CATSPERB: variants seen among roughly 807,000 people sequenced by gnomAD.
CATSPERB encodes catsper channel auxiliary subunit beta, also known as cation channel sperm-associated auxiliary subunit beta.
A neutral mutation model predicts 128.3 loss-of-function variants in CATSPERB; 93 were observed. The ratio of observed to expected loss-of-function variants is 0.72; its 90% CI spans 0.61 to 0.86. CATSPERB has a LOEUF of 0.86. CATSPERB is among the 40% of genes least tolerant of loss of function. CATSPERB has a pLI of 0.00. For synonymous variants in CATSPERB, 381 were observed against 448.8 expected (o/e 0.85, Z 1.91); for missense variants, 1,153 against 1,329.5 (o/e 0.87, Z 2.06).
At chr14:91,693,602 A>T (rs1895509656) in intron 7 of CATSPERB, 123 bp from the exon 8 acceptor site, 2 of 660,876 alleles carry the variant, frequency 3.0e-6, no homozygotes, top group East Asian at 5.3e-5. Context: ...TTCCCAAAGC[A>T]TTGGAAAGAT....
chr14:91,625,865 C>T (rs1238159452), intron 17 of CATSPERB, among the ~76,000 whole-genome samples: 1 of 152,212 alleles, frequency 6.6e-6, no homozygotes, highest in Non-Finnish European at 1.5e-5. Context: ...GTGGCTCACA[C>T]CGGTAATCCC....
In CATSPERB at chr14:91,701,280, A is replaced by C. The variant is rs187392741; in HGVS notation, c.616+3272T>G. On this transcript the variant is annotated intron_variant, in intron 7 of 26. Coordinates refer to ENST00000256343, the MANE Select transcript of CATSPERB (RefSeq NM_024764.4). ...ATGTTTCAAACAAGAGGACAGGAGTAGTGATTAAGCAGTAATCCTAAGGAG... is the reference window on the plus strand; with the variant it reads ...ATGTTTCAAACAAGAGGACAGGAGTCGTGATTAAGCAGTAATCCTAAGGAG... Among the ~76,000 whole-genome samples the C allele has an allele frequency of 3.2e-4, 49 of 152,334 alleles. No individual in the cohort carries two copies. In the South Asian group the frequency reaches 3.9e-3, roughly 12 times the overall value.
intron 17 of CATSPERB, among the ~76,000 whole-genome samples, 188 bp from the exon 18 acceptor site, chr14:91,625,195 T>C (rs1368614549): frequency 6.6e-6 from 1 of 152,230 alleles, no homozygotes; most frequent in Admixed American, 6.5e-5. Context: ...TTTTAACCTC[T>C]AAAATTAGCG....
intron 15 of CATSPERB, among the ~76,000 whole-genome samples, chr14:91,640,384 T>C (rs1595159561): frequency 1.4e-5 from 1 of 70,880 alleles, no homozygotes; most frequent in African/African-American, 6.8e-5. Context: ...CCCAATGCTA[T>C]CCCTCCCCCC....
intron 15 of CATSPERB, among the ~76,000 whole-genome samples, chr14:91,644,366 G>A (rs1894553333): frequency 6.9e-6 from 1 of 145,838 alleles, no homozygotes; most frequent in African/African-American, 2.6e-5. Context: ...TCCTTTCCAT[G>A]TTTAGCGCTT....
intron 2 of CATSPERB, among the ~76,000 whole-genome samples, chr14:91,728,034 C>A (rs1595195875): frequency 6.6e-6 from 1 of 152,174 alleles, no homozygotes; most frequent in South Asian, 2.1e-4. Flanking sequence ...TTGTCTATCA[C>A]CTCTGAAATG....
chr14:91,604,410 C>T, intron 22 of CATSPERB: 1 of 1,142,988 alleles, frequency 8.7e-7, no homozygotes, highest in South Asian at 1.2e-5. Context: ...CTTCACACAT[C>T]TTCAGGTTGC....
intron 22 of CATSPERB, chr14:91,605,407 T>C: frequency 1.9e-6 from 1 of 534,734 alleles, no homozygotes; most frequent in South Asian, 2.8e-5. Context: ...CTGGAAGATC[T>C]TAGAGAAATA....
chr14:91,684,489 G>C (rs960463761), intron 10 of CATSPERB, among the ~76,000 whole-genome samples: 1 of 152,072 alleles, frequency 6.6e-6, no homozygotes. Context: ...TTTCTGTTGG[G>C]ATGTAAGAAA....
chr14:91,695,216 G>A lies in CATSPERB; in HGVS notation c.617-1737C>T, dbSNP rs147040164. On this transcript the variant is annotated intron_variant, in intron 7 of 26. Transcript: ENST00000256343. The stretch of plus-strand genomic sequence containing the variant: ...GCAATCTCCACTCACTGCAACCTTC[G>A]CCTCCCAGGTTCGAGCAATTCTCGT... 4.7e-5 allele frequency among the ~76,000 whole-genome samples: 7 copies of A among 148,610 alleles called. No individual in the cohort carries two copies. The East Asian group carries it at 1.2e-3, about 25-fold the overall frequency.
intron 9 of CATSPERB, among the ~76,000 whole-genome samples, 163 bp downstream of exon 9, chr14:91,692,963 C>T (rs974629820): frequency 2.0e-5 from 3 of 152,008 alleles, no homozygotes; most frequent in Admixed American, 6.6e-5. Context: ...TTCAATACTA[C>T]GAGGTAAAGG....
chr14:91,645,722 G>A (rs1566716647), intron 15 of CATSPERB, among the ~76,000 whole-genome samples: 1 of 140,528 alleles, frequency 7.1e-6, no homozygotes, highest in Non-Finnish European at 1.5e-5. Flanking sequence ...TCCTTGAGCT[G>A]TGGTGGGCTC....
At chr14:91,676,105 A>T (rs1237857707) in intron 11 of CATSPERB, among the ~76,000 whole-genome samples, 1 of 151,236 alleles carries the variant, frequency 6.6e-6, no homozygotes, top group Non-Finnish European at 1.5e-5. Context: ...TTGATGTGTT[A>T]AAAAAAAGGC....
At chr14:91,682,090 G>A (rs1172326752) in intron 11 of CATSPERB, among the ~76,000 whole-genome samples, 2 of 152,150 alleles carry the variant, frequency 1.3e-5, no homozygotes, top group East Asian at 1.9e-4. Context: ...CTGAGTCTGT[G>A]GGGAATTGCC....
intron 2 of CATSPERB, among the ~76,000 whole-genome samples, chr14:91,729,106 G>A (rs1388865326): frequency 6.6e-6 from 1 of 152,164 alleles, no homozygotes; most frequent in Non-Finnish European, 1.5e-5. Context: ...TTGGGAGGCT[G>A]AGGCAGGTGA....
intron 26 of CATSPERB, among the ~76,000 whole-genome samples, chr14:91,586,965 C>T (rs1163360777): frequency 6.6e-6 from 1 of 152,168 alleles, no homozygotes; most frequent in African/African-American, 2.4e-5. Context: ...AAGACAGCCA[C>T]GTATTATTAC....
chr14:91,636,342 G>A, intron 17 of CATSPERB, 83 bp downstream of exon 17: 1 of 1,285,880 alleles, frequency 7.8e-7, no homozygotes, highest in Non-Finnish European at 1.1e-6. Context: ...CAGCCTGGAT[G>A]ACAGAGCAAG....
At chr14:91,594,116 G>C (rs1893457790) in intron 22 of CATSPERB, among the ~76,000 whole-genome samples, 1 of 152,138 alleles carries the variant, frequency 6.6e-6, no homozygotes, top group Admixed American at 6.5e-5. Flanking sequence ...AGAAAATGTG[G>C]CACATATATA....
intron 5 of CATSPERB, among the ~76,000 whole-genome samples, chr14:91,715,800 T>C (rs1360070378): frequency 6.6e-6 from 1 of 152,148 alleles, no homozygotes; most frequent in Non-Finnish European, 1.5e-5. Flanking sequence ...CAGTATAGTA[T>C]TGGTGAAAGG....
Sources: allele counts gnomAD v4.1 joint callset (sites outside exome capture counted in the v4.1 genomes callset), GRCh38; gene constraint gnomAD v4.1.1; transcripts MANE v1.5; gene names NCBI Gene and HGNC (gene_info 2026-07-23, HGNC 2026-07-21).